Variants in FHIP2A observed in about 807,000 individuals in gnomAD.
FHIP2A encodes FHF complex subunit HOOK interacting protein 2A, also known as family with sequence similarity 160 member B1.
A neutral mutation model predicts 93.5 loss-of-function variants in FHIP2A; 46 were observed. The ratio of observed to expected loss-of-function variants is 0.49; its 90% CI spans 0.39 to 0.63. The LOEUF is 0.63. FHIP2A is among the 20% of genes least tolerant of loss of function. The pLI is 0.00. For synonymous variants in FHIP2A, 332 were observed against 326.5 expected (o/e 1.02, Z -0.18); for missense variants, 769 against 909.7 (o/e 0.85, Z 1.99).
chr10:114,852,153 G>A lies in FHIP2A; in HGVS notation c.1804-3044G>A, dbSNP rs1398354827. On this transcript the variant is annotated intron_variant, in intron 13 of 16. Coordinates refer to ENST00000369248, the MANE Select transcript of FHIP2A (RefSeq NM_020940.4). ...TGCAGCATCATTCTTTGCTGCTGCTGCTTTTAGGTGTCAGGTGTCATTTTT... is the reference window on the plus strand; with the variant it reads ...TGCAGCATCATTCTTTGCTGCTGCTACTTTTAGGTGTCAGGTGTCATTTTT... 3.5e-5 allele frequency among the ~76,000 whole-genome samples: 5 copies of A among 143,726 alleles called. No individual in the cohort carries two copies. In the East Asian group the frequency reaches 1.0e-3, roughly 29 times the overall value. The allele number at this position is 143,726 out of a possible 152,430, so 94.3% of individuals were successfully genotyped here.
intron 16 of FHIP2A, among the ~76,000 whole-genome samples, chr10:114,875,965 G>C (rs1317502599): frequency 6.8e-6 from 1 of 147,754 alleles, no homozygotes. Context: ...AAGGAAAGAA[G>C]GTAGGAAGGT....
intron 14 of FHIP2A, among the ~76,000 whole-genome samples, chr10:114,859,844 T>G (rs1486633008): frequency 6.6e-6 from 1 of 152,228 alleles, no homozygotes; most frequent in African/African-American, 2.4e-5. Context: ...AGATGATCCC[T>G]CTCTGTAATC....
At chr10:114,822,193 G>A in intron 1 of FHIP2A, 70 bp downstream of exon 1, 1 of 1,003,848 alleles carries the variant, frequency 1.0e-6, no homozygotes, top group Non-Finnish European at 1.3e-6. Flanking sequence ...GGCGGCCTCG[G>A]GGACAAGCCG....
rs1447796747 is a variant in FHIP2A at position 114,860,740 on chromosome 10, T to C, written c.1948-9T>C. ...TTTAAATGTCTTTCTGTTTTTTATC[T>C]CTCCATAGCCATATGATGTAAACTT... On this transcript the variant is annotated splice_polypyrimidine_tract_variant and intron_variant, in intron 14 of 16. Transcript: ENST00000369248. The C allele has an allele frequency of 6.3e-7, 1 of 1,581,170 alleles. No homozygotes were observed. Among genetic ancestry groups the C allele is most frequent in the Admixed American group, 1.7e-5 (1 of 59,794 alleles).
chr10:114,861,286 T>C lies in FHIP2A; in HGVS notation c.2144T>C (p.Leu715Pro), dbSNP rs2083797416. 1 of 1,614,112 alleles carries C rather than the reference T, an allele frequency of 6.2e-7. No homozygotes were observed. Residue 715 changes from leucine to proline, a missense_variant, in exon 16 of 17, where the codon CTT (leucine) becomes CCT (proline). Coordinates refer to ENST00000369248, the MANE Select transcript of FHIP2A (RefSeq NM_020940.4). ...IQRIQDFTPK[L>P]LLVRKRLLGL... ...CGTATTCAAGACTTTACTCCCAAGC[T>C]TCTGTTAGTCAGAAAGCGGTTACTT... is the stretch of plus-strand genomic sequence containing the variant.
Position 114,846,289 on chromosome 10 carries a change from A to G in FHIP2A, c.1320A>G (p.Glu440=). ...MVFFILGEQR[E]PETLAEISRH... ...TTTTTATCCTTGGAGAACAGAGGGA[A>G]CCAGAAACTCTGGCAGAAATCAGCA... is the stretch of plus-strand genomic sequence containing the variant. The change falls in exon 10 of 17, where the codon GAA becomes GAG. Residue 440 remains glutamate, a synonymous_variant. Coordinates refer to ENST00000369248, the MANE Select transcript of FHIP2A (RefSeq NM_020940.4). 1 of 1,614,146 alleles carries G rather than the reference A, an allele frequency of 6.2e-7. No homozygotes were observed. Among genetic ancestry groups the G allele is most frequent in the Non-Finnish European group, 8.5e-7 (1 of 1,180,012 alleles).
At position 114,894,098 on chromosome 10, in the gene FHIP2A, A is replaced by G. The variant is rs371066043; in HGVS notation, c.2193-5392A>G. 7.2e-5 allele frequency among the ~76,000 whole-genome samples: 11 copies of G among 152,286 alleles called. No homozygotes were observed. The South Asian group carries it at 2.1e-3, about 29-fold the overall frequency. On this transcript the variant is annotated intron_variant, in intron 16 of 16. Transcript: ENST00000369250. Reference sequence around the variant, plus strand: ...TTAGCATTATAGCCCTAAACCAGTTAATTTTAAATGTCATCTGAAAAGTTT... The same window carrying G: ...TTAGCATTATAGCCCTAAACCAGTTGATTTTAAATGTCATCTGAAAAGTTT...
At chr10:114,897,719 G>A (rs777800866) in intron 16 of FHIP2A, among the ~76,000 whole-genome samples, 2 of 152,078 alleles carry the variant, frequency 1.3e-5, no homozygotes, top group Non-Finnish European at 2.9e-5. Flanking sequence ...AGACTAGCCT[G>A]GGCAACATGG....
At chr10:114,831,997 G>A (rs949635207) in intron 2 of FHIP2A, among the ~76,000 whole-genome samples, 2 of 152,184 alleles carry the variant, frequency 1.3e-5, no homozygotes, top group African/African-American at 4.8e-5. Context: ...AGACAAAGCA[G>A]CATATCAGTA....
intron 5 of FHIP2A, among the ~76,000 whole-genome samples, chr10:114,836,546 T>C (rs769795365): frequency 6.6e-6 from 1 of 152,216 alleles, no homozygotes; most frequent in African/African-American, 2.4e-5. Flanking sequence ...GAAGTTGATA[T>C]GCTATCATAT....
chr10:114,894,014 C>T (rs914631861), intron 16 of FHIP2A, among the ~76,000 whole-genome samples: 4 of 152,048 alleles, frequency 2.6e-5, no homozygotes, highest in African/African-American at 9.7e-5. Context: ...CAAAAACCTC[C>T]ATAGTGACCA....
At chr10:114,846,781 T>G in intron 11 of FHIP2A, 53 bp downstream of exon 11, 1 of 1,425,388 alleles carries the variant, frequency 7.0e-7, no homozygotes, top group Non-Finnish European at 9.5e-7. Flanking sequence ...AGATAGAACT[T>G]TCTCTCTCCT....
In FHIP2A at chr10:114,887,685, G is replaced by T. The variant is rs148018224; in HGVS notation, c.2193-11805G>T. Among the ~76,000 whole-genome samples the T allele has an allele frequency of 5.6e-3, 854 of 152,324 alleles. 8 individuals are homozygous for T. The highest frequency in any genetic ancestry group is 0.019 in the African/African-American group (799 of 41,568). ...AATGGGGATTAATGTGAGAATTAAC[G>T]ATGTGTACTGCATCACCTGATATGT... On this transcript the variant is annotated intron_variant, in intron 16 of 16. Transcript: ENST00000369250.
chr10:114,840,515 C>T (rs934288672), intron 5 of FHIP2A, among the ~76,000 whole-genome samples: 1 of 152,132 alleles, frequency 6.6e-6, no homozygotes, highest in Non-Finnish European at 1.5e-5. Flanking sequence ...TTTTATATGG[C>T]AGATTCTTTG....
At chr10:114,840,028 A>C (rs138002026) in intron 5 of FHIP2A, among the ~76,000 whole-genome samples, 1 of 152,146 alleles carries the variant, frequency 6.6e-6, no homozygotes. Context: ...TAAATTCCTT[A>C]AGTACTTACA....
Position 114,846,174 on chromosome 10 carries a change from G to T in FHIP2A, c.1206-1G>T. The T allele has an allele frequency of 1.2e-6, 2 of 1,614,060 alleles. No individual in the cohort carries two copies. Among genetic ancestry groups the T allele is most frequent in the Non-Finnish European group, 1.7e-6 (2 of 1,179,990 alleles). ...ACTGACTACCTGTTCATTGTGCTCA[G>T]TTCTGAGATGGGTATTCTCACATCC... is the stretch of plus-strand genomic sequence containing the variant. On this transcript the variant is annotated splice_acceptor_variant, in intron 9 of 16. Transcript: ENST00000369248. LOFTEE classifies it high-confidence loss of function.
chr10:114,823,733 A>G (rs1294028992), intron 1 of FHIP2A, among the ~76,000 whole-genome samples: 1 of 151,554 alleles, frequency 6.6e-6, no homozygotes, highest in East Asian at 1.9e-4. Flanking sequence ...TCCTGACCTC[A>G]AGTGATCGCC....
intron 8 of FHIP2A, among the ~76,000 whole-genome samples, 187 bp from the exon 9 acceptor site, chr10:114,845,826 G>GA (rs1479094942): frequency 1.3e-5 from 2 of 152,014 alleles, no homozygotes; most frequent in African/African-American, 4.8e-5. Context: ...TGGAAATTTA[G>GA]AAAAAAGTGT....
chr10:114,830,192 G>C (rs1014229559), intron 1 of FHIP2A, among the ~76,000 whole-genome samples: 6 of 151,292 alleles, frequency 4.0e-5, no homozygotes, highest in African/African-American at 1.5e-4. Flanking sequence ...AAGATTCCTG[G>C]CTATTAGTAA....
Sources: allele counts gnomAD v4.1 joint callset (sites outside exome capture counted in the v4.1 genomes callset), GRCh38; gene constraint gnomAD v4.1.1; transcripts MANE v1.5; gene names NCBI Gene and HGNC (gene_info 2026-07-23, HGNC 2026-07-21).